The following ROBO2 variants were observed in gnomAD, a reference collection of about 807,000 sequenced individuals.
ROBO2 encodes roundabout homolog 2.
Under a neutral mutation model 160.8 loss-of-function variants are expected in ROBO2, and 53 were observed. The ratio of observed to expected loss-of-function variants is 0.33; its 90% CI spans 0.26 to 0.41. The LOEUF (loss-of-function observed/expected upper bound fraction) is 0.41, where lower values mean the gene tolerates loss of function less well. Among genes scored for constraint, ROBO2 ranks in the 10% least tolerant of loss-of-function variants. The probability of loss-of-function intolerance (pLI) is 1.00; values close to 1 mark genes in which losing one functional copy is unlikely to be tolerated. For missense variants in ROBO2, 1,577 were observed against 1,722.4 expected (o/e 0.92, Z 1.49); for synonymous variants, 664 against 611.7 (o/e 1.09, Z -1.26).
At chr3:76,514,218 T>G (rs1166021953) in intron 2 of ROBO2, among the ~76,000 whole-genome samples, 3 of 152,192 alleles carry the variant, frequency 2.0e-5, no homozygotes, top group African/African-American at 7.2e-5. Flanking sequence ...TTTCCTGTGT[T>G]TTTTATAAAC....
At chr3:76,472,105 G>A (rs562401425) in intron 2 of ROBO2, among the ~76,000 whole-genome samples, 9 of 65,694 alleles carry the variant, frequency 1.4e-4, no homozygotes, top group Admixed American at 4.2e-4. Context: ...GTGTGTGCGC[G>A]TGTGCGTGCG....
At chr3:75,925,432 T>A (rs1355469701) in intron 1 of ROBO2, among the ~76,000 whole-genome samples, 1 of 152,070 alleles carries the variant, frequency 6.6e-6, no homozygotes, top group Non-Finnish European at 1.5e-5. Flanking sequence ...AGGGTGTCTT[T>A]TGAAGGCTAC....
At position 77,306,439 on chromosome 3, in the gene ROBO2, T is replaced by A. The variant is rs553253662; in HGVS notation, c.389-170975T>A. Among the ~76,000 whole-genome samples, 224 of 152,276 alleles carry A rather than the reference T, an allele frequency of 1.5e-3. No individual in the cohort carries two copies. In the South Asian group the frequency reaches 0.017, roughly 12 times the overall value. On this transcript the variant is annotated intron_variant, in intron 2 of 25. Transcript: ENST00000461745. ...AACTCAAAGATATAAACTATGATGG[T>A]TAATTTGATGAAATATATCTCACAT...
chr3:77,075,813 G>C (rs868410340), intron 1 of ROBO2, among the ~76,000 whole-genome samples: 48 of 151,300 alleles, frequency 3.2e-4, no homozygotes, highest in African/African-American at 1.1e-3. Context: ...GAGTAGTTGG[G>C]ATTACAGGTG....
At chr3:77,064,397 G>A (rs1195769269) in intron 1 of ROBO2, among the ~76,000 whole-genome samples, 3 of 136,364 alleles carry the variant, frequency 2.2e-5, no homozygotes, top group African/African-American at 5.6e-5. Flanking sequence ...GTCTCACTGT[G>A]TTACCCAGGC....
intron 2 of ROBO2, among the ~76,000 whole-genome samples, chr3:77,237,948 C>T (rs762626904): frequency 1.5e-4 from 23 of 152,162 alleles, no homozygotes; most frequent in East Asian, 5.8e-4. Context: ...AGATGTGCAA[C>T]GGTATCTCAT....
intron 2 of ROBO2, among the ~76,000 whole-genome samples, chr3:75,991,020 C>T (rs2065551686): frequency 6.6e-6 from 1 of 152,154 alleles, no homozygotes; most frequent in Non-Finnish European, 1.5e-5. Context: ...TAAACATTGT[C>T]ACTCCTGGTT....
intron 2 of ROBO2, among the ~76,000 whole-genome samples, chr3:76,693,178 A>G (rs953831081): frequency 6.7e-6 from 1 of 149,610 alleles, no homozygotes; most frequent in Non-Finnish European, 1.5e-5. Context: ...TATATAGTGT[A>G]TCTATATATA....
intron 2 of ROBO2, among the ~76,000 whole-genome samples, chr3:76,104,722 T>C (rs2069846747): frequency 6.6e-6 from 1 of 152,204 alleles, no homozygotes; most frequent in African/African-American, 2.4e-5. Context: ...TTAAATTTCC[T>C]TTTAAAACAT....
At chr3:77,642,400 GAATGATAGCCTC>G (rs1298119994) in intron 24 of ROBO2, among the ~76,000 whole-genome samples, 1 of 152,188 alleles carries the variant, frequency 6.6e-6, no homozygotes, top group East Asian at 1.9e-4. Flanking sequence ...TTTACACCTT[GAATGATAGCCTC>G]AATATGTAAC....
intron 2 of ROBO2, among the ~76,000 whole-genome samples, chr3:76,950,308 C>T (rs1215059778): frequency 2.0e-5 from 3 of 152,150 alleles, no homozygotes; most frequent in African/African-American, 7.2e-5. Flanking sequence ...TCCTTTACCT[C>T]CTACTCAAAA....
chr3:76,441,976 T>G (rs1316474102), intron 2 of ROBO2, among the ~76,000 whole-genome samples: 1 of 152,178 alleles, frequency 6.6e-6, no homozygotes, highest in Non-Finnish European at 1.5e-5. Context: ...AGAGAAAGAA[T>G]CTGAGATCAG....
chr3:77,045,910 G>A (rs918275793), intron 1 of ROBO2, among the ~76,000 whole-genome samples: 3 of 152,078 alleles, frequency 2.0e-5, no homozygotes, highest in Admixed American at 6.6e-5. Flanking sequence ...TTAGCGTAAT[G>A]TTTTTAAGGG....
At chr3:77,560,938 T>A (rs571912255) in intron 9 of ROBO2, among the ~76,000 whole-genome samples, 1 of 152,168 alleles carries the variant, frequency 6.6e-6, no homozygotes, top group Non-Finnish European at 1.5e-5. Flanking sequence ...ATATTTAGTT[T>A]GTGAGTGATG....
At chr3:76,443,880 C>T (rs1412282584) in intron 2 of ROBO2, among the ~76,000 whole-genome samples, 1 of 151,970 alleles carries the variant, frequency 6.6e-6, no homozygotes, top group Non-Finnish European at 1.5e-5. Flanking sequence ...AAGGTTTTGA[C>T]CTACTTTGAT....
At chr3:77,460,448 G>A (rs186686941) in intron 2 of ROBO2, among the ~76,000 whole-genome samples, 300 of 152,160 alleles carry the variant, frequency 2.0e-3, no homozygotes, top group African/African-American at 7.0e-3. Context: ...ATGCATTTTG[G>A]GATCATCAGC....
rs182832078 is a variant in ROBO2, at chr3:76,367,316, T to A, written c.109+429714T>A. ...TACAAAACTCATGCCTGTAGTTATA[T>A]ACACAAATTTTCATCCTCAGTGTAA... On this transcript the variant is annotated intron_variant, in intron 2 of 26. Transcript: ENST00000487694. Among the ~76,000 whole-genome samples, 583 of 152,172 alleles carry A rather than the reference T, an allele frequency of 3.8e-3. 4 individuals are homozygous for A. The highest frequency in any genetic ancestry group is 5.7e-3 in the Non-Finnish European group (386 of 67,970).
chr3:76,955,737 A>C (rs1321333808), intron 2 of ROBO2, among the ~76,000 whole-genome samples: 1 of 152,100 alleles, frequency 6.6e-6, no homozygotes, highest in Non-Finnish European at 1.5e-5. Context: ...GAAATATTAG[A>C]ATACAAACAT....
rs571694413 is a variant in ROBO2 at position 76,458,802 on chromosome 3, A to C, written c.109+521200A>C. On this transcript the variant is annotated intron_variant, in intron 2 of 26. Coordinates refer to the ROBO2 transcript ENST00000487694. ...GGAAGAAGCAAAAGCGGAAACCCCT[A>C]GTAGACCCATCAGATCTCATGAGAC... 7.4e-4 allele frequency among the ~76,000 whole-genome samples: 112 copies of C among 152,310 alleles called. 1 individual carries two copies. Among genetic ancestry groups the C allele is most frequent in the Non-Finnish European group, 1.4e-3 (96 of 68,036 alleles).
Sources: allele counts gnomAD v4.1 joint callset (sites outside exome capture counted in the v4.1 genomes callset), GRCh38; gene constraint gnomAD v4.1.1; transcripts MANE v1.5; gene names NCBI Gene and HGNC (gene_info 2026-07-23, HGNC 2026-07-21).